The following ERCC1 variants were observed in gnomAD, a reference collection of about 807,000 sequenced individuals.
ERCC1 encodes DNA excision repair protein ERCC-1.
A neutral mutation model predicts 37.6 loss-of-function variants in ERCC1; 36 were observed. That is an observed-to-expected ratio of 0.96 (90% CI 0.73 to 1.26). ERCC1 has a LOEUF of 1.26. Among genes scored for constraint, ERCC1 ranks in the 50% most tolerant of loss-of-function variants. The probability of loss-of-function intolerance (pLI) is 0.00; values close to 1 mark genes in which losing one functional copy is unlikely to be tolerated. For missense variants in ERCC1, 349 were observed against 376.5 expected (o/e 0.93, Z 0.60); for synonymous variants, 156 against 162.1 (o/e 0.96, Z 0.28).
In ERCC1 at chr19:45,423,808, G is replaced by C. The variant is rs1407869644; in HGVS notation, c.-35C>G. 1 of 1,122,870 alleles carries C rather than the reference G, an allele frequency of 8.9e-7. No individual in the cohort carries two copies. Among genetic ancestry groups the C allele is most frequent in the Non-Finnish European group, 1.1e-6 (1 of 911,056 alleles). The allele number at this position is 1,122,870 out of a possible 1,614,324, so 69.6% of individuals were successfully genotyped here. ...GTGGTCCGGGCCTCACGGTTTCAGC[G>C]CCGCGAGGCCTCACCTGCTGGTCTT... On this transcript the variant is annotated 5_prime_UTR_variant, in exon 1 of 10. Coordinates refer to ENST00000300853, the MANE Select transcript of ERCC1 (RefSeq NM_001983.4).
intron 1 of ERCC1, among the ~76,000 whole-genome samples, chr19:45,434,024 C>G (rs1974903517): frequency 6.6e-6 from 1 of 151,666 alleles, no homozygotes; most frequent in South Asian, 2.1e-4. Context: ...GCCTGTAGTC[C>G]CAGCTACTCG....
Position 45,414,113 on chromosome 19 carries a change from C to G in ERCC1, c.703-79G>C, listed in dbSNP as rs555565820. On this transcript the variant is annotated intron_variant, in intron 7 of 9. Coordinates refer to ENST00000300853, the MANE Select transcript of ERCC1 (RefSeq NM_001983.4). ...AGCCTAGGAGGGCAGGGCTGGGTCA[C>G]AGCTGTGTCCCCAGACTGCCTGGCG... The G allele has an allele frequency of 7.9e-6, 9 of 1,146,496 alleles. No individual in the cohort carries two copies. In the East Asian group the frequency reaches 1.9e-4, roughly 24 times the overall value. 71.0% of individuals were successfully genotyped at this position (1,146,496 alleles called of 1,614,324 possible). A position where few individuals can be genotyped will look rare whatever the true frequency, so the allele number is the denominator to read the frequency against.
chr19:45,448,761 A>C (rs938831918), intron 1 of ERCC1, among the ~76,000 whole-genome samples: 3 of 152,132 alleles, frequency 2.0e-5, no homozygotes, highest in African/African-American at 7.2e-5. Flanking sequence ...AAAGACAAAA[A>C]GCTATTTGGG....
At chr19:45,429,253 G>A (rs1974777501) in intron 1 of ERCC1, 2 of 152,346 alleles carry the variant, frequency 1.3e-5, no homozygotes, top group African/African-American at 4.8e-5. Flanking sequence ...CTGAGGTCAG[G>A]AGATTGAGAC....
chr19:45,445,892 T>A (rs73047763), intron 1 of ERCC1, among the ~76,000 whole-genome samples: 4,561 of 152,122 alleles, frequency 0.03, 102 homozygotes, highest in Non-Finnish European at 0.041. Context: ...TTAATTTATT[T>A]ATTTATTTAT....
intron 1 of ERCC1, among the ~76,000 whole-genome samples, chr19:45,439,262 G>A (rs1470185341): frequency 6.6e-6 from 1 of 152,162 alleles, no homozygotes; most frequent in Non-Finnish European, 1.5e-5. Flanking sequence ...CATTTAGGAA[G>A]TGTCCAAGCT....
rs745774178 is a variant in ERCC1 at position 45,419,192 on chromosome 19, C to T, written c.431G>A (p.Arg144His). Residue 144 changes from arginine (R) to histidine (H), a missense_variant, in exon 5 of 10, where the codon CGC becomes CAC. By Grantham distance (29) the Arg-to-His change is conservative. Coordinates refer to ENST00000300853, the MANE Select transcript of ERCC1 (RefSeq NM_001983.4). Reference protein sequence around the residue: ...QSTCALFLSLRYHNLHPDYIH... With the variant: ...QSTCALFLSLHYHNLHPDYIH... ...GTAGTCTGGGTGCAGGTTGTGGTAG[C>T]GGAGGCTGGTGGGGGCAGGGAGCGG... 11 of 1,590,294 alleles carry T rather than the reference C, an allele frequency of 6.9e-6. No homozygotes were observed. The highest frequency in any genetic ancestry group is 3.5e-5 in the Admixed American group (2 of 56,720).
At chr19:45,428,895 A>G (rs552298954), upstream of ERCC1, 1 of 151,984 alleles carries the variant, frequency 6.6e-6, no homozygotes, top group Non-Finnish European at 1.5e-5. Flanking sequence ...GCCTCTATTT[A>G]TAGCGCCCGG....
At chr19:45,426,155 C>T (rs1229168946), upstream of ERCC1, among the ~76,000 whole-genome samples, 1 of 151,622 alleles carries the variant, frequency 6.6e-6, no homozygotes, top group African/African-American at 2.4e-5. Context: ...CCGAGACAGG[C>T]GGATCACGAG....
intron 1 of ERCC1, among the ~76,000 whole-genome samples, chr19:45,430,299 G>A (rs541897291): frequency 9.2e-5 from 14 of 152,298 alleles, no homozygotes; most frequent in African/African-American, 2.2e-4. Context: ...CTCTGTGACC[G>A]GCACGCATGA....
chr19:45,421,040 CGAATGAAT>C (rs3212949), intron 3 of ERCC1, 130 bp downstream of exon 3: 466 of 773,712 alleles, frequency 6.0e-4, no homozygotes, highest in Admixed American at 1.9e-3. Context: ...ACACTGCTGT[CGAATGAAT>C]GAATGAATGA....
At chr19:45,434,992 G>C (rs1175703648) in intron 1 of ERCC1, among the ~76,000 whole-genome samples, 1 of 151,440 alleles carries the variant, frequency 6.6e-6, no homozygotes. Context: ...CACGTTGGTC[G>C]GGCTGGTCTC....
intron 5 of ERCC1, among the ~76,000 whole-genome samples, chr19:45,417,402 G>C (rs1293283118): frequency 1.3e-5 from 2 of 152,162 alleles, no homozygotes; most frequent in African/African-American, 4.8e-5. Flanking sequence ...TTGGAGGAGG[G>C]GACATTAGAG....
chr19:45,431,056 G>T (rs953805934), intron 1 of ERCC1, among the ~76,000 whole-genome samples: 1 of 152,054 alleles, frequency 6.6e-6, no homozygotes, highest in Non-Finnish European at 1.5e-5. Flanking sequence ...GTGTTCAAGC[G>T]ATTCTCCCGC....
intron 1 of ERCC1, among the ~76,000 whole-genome samples, chr19:45,433,484 C>A (rs950085417): frequency 6.6e-5 from 10 of 152,006 alleles, no homozygotes; most frequent in African/African-American, 2.2e-4. Context: ...CGAGATTGCG[C>A]CATTGTACTC....
In ERCC1 at chr19:45,408,055, A is replaced by G; in HGVS notation, c.*1620T>C. On this transcript the variant is annotated 3_prime_UTR_variant, in exon 10 of 10. Coordinates refer to ENST00000300853, the MANE Select transcript of ERCC1 (RefSeq NM_001983.4). ...GGCAACAGAGCAAGACTCTCTCAAA[A>G]AAAAACAAAAAAAAAATCAAAAAAC... is the stretch of plus-strand genomic sequence containing the variant. The G allele has an allele frequency of 2.0e-6, 3 of 1,474,126 alleles. No homozygotes were observed. The highest frequency in any genetic ancestry group is 1.8e-4 in the Middle Eastern group (1 of 5,524). The allele number at this position is 1,474,126 out of a possible 1,614,324, so 91.3% of individuals were successfully genotyped here.
chr19:45,408,327 G>T lies in ERCC1; in HGVS notation c.*1348C>A. 6.2e-7 allele frequency: 1 copy of T among 1,609,482 alleles called. No homozygotes were observed. Among genetic ancestry groups the T allele is most frequent in the Non-Finnish European group, 8.5e-7 (1 of 1,176,852 alleles). On this transcript the variant is annotated 3_prime_UTR_variant, in exon 10 of 10. Coordinates refer to ENST00000300853, the MANE Select transcript of ERCC1 (RefSeq NM_001983.4). Reference sequence around the variant, plus strand: ...CAGGGCACCCTAAGGATCCTTGAGGGTCCCCAGCAATCCCTGTCAGGGAGC... The same window carrying T: ...CAGGGCACCCTAAGGATCCTTGAGGTTCCCCAGCAATCCCTGTCAGGGAGC...
rs1208522392 is a variant in ERCC1, at chr19:45,416,561, A to T, written c.602+260T>A. 9 of 467,582 alleles carry T rather than the reference A, an allele frequency of 1.9e-5. No individual in the cohort carries two copies. The East Asian group carries it at 3.4e-4, about 18-fold the overall frequency. The allele number at this position is 467,582 out of a possible 1,614,324, so 29.0% of individuals were successfully genotyped here. A position where few individuals can be genotyped will look rare whatever the true frequency, so the allele number is the denominator to read the frequency against. On this transcript the variant is annotated intron_variant, in intron 6 of 9. Coordinates refer to ENST00000300853, the MANE Select transcript of ERCC1 (RefSeq NM_001983.4). ...CAGCTACTTGGGAGGCTGAGGCAGA[A>T]TTGCTTGAACCCCCAAGGCAGAGCC...
At chr19:45,444,297 C>A (rs1041955052) in intron 1 of ERCC1, among the ~76,000 whole-genome samples, 1 of 148,430 alleles carries the variant, frequency 6.7e-6, no homozygotes, top group Non-Finnish European at 1.5e-5. Context: ...CTTCGCCCCC[C>A]ACCCCGGAGC....
Sources: gnomAD v4.1 joint callset for allele counts (sites outside exome capture counted in the v4.1 genomes callset) on GRCh38, gnomAD v4.1.1 for gene constraint, MANE v1.5 for transcripts, NCBI Gene and HGNC (gene_info 2026-07-23, HGNC 2026-07-21) for gene names.